Variants in LPAR1 observed in about 807,000 individuals in gnomAD.
The protein encoded by LPAR1 is LPA receptor 1.
In LPAR1, 5 loss-of-function variants were observed where a neutral mutation model predicts 23.8. The ratio of observed to expected loss-of-function variants is 0.21; its 90% CI spans 0.11 to 0.44. LPAR1 has a LOEUF of 0.44. Ranked by LOEUF, LPAR1 falls within the 20% of genes least tolerant of loss-of-function variation. LPAR1 has a pLI of 0.99. For missense variants in LPAR1, 311 were observed against 482.8 expected, an observed-to-expected ratio of 0.64 and a Z score of 3.33; for synonymous variants, 160 against 164.7, an observed-to-expected ratio of 0.97 and a Z score of 0.22.
Position 110,941,816 on chromosome 9 carries a change from G to C in LPAR1, c.398C>G (p.Thr133Arg). The C allele has an allele frequency of 6.2e-7, 1 of 1,614,194 alleles. No individual in the cohort carries two copies. Among genetic ancestry groups the C allele is most frequent in the Non-Finnish European group, 8.5e-7 (1 of 1,180,028 alleles). Reference protein sequence around the residue: ...LRQGLIDTSLTASVANLLAIA... With the variant: ...LRQGLIDTSLRASVANLLAIA... ...AGCCAGTAAGTTGGCCACAGATGCC[G>C]TCAGGCTGGTGTCAATGAGGCCCTG... The change falls in exon 5 of 6, where the codon ACG (threonine) becomes AGG (arginine). Residue 133 changes from threonine to arginine, a missense_variant. By Grantham distance (71) the Thr-to-Arg change is moderately conservative (BLOSUM62 -1). This residue lies in a region of LPAR1 where 250 missense variants were observed against 427.2 expected (regional missense o/e 0.59). Transcript: ENST00000683809. This position sits in a 1 kb window ranked among gnomAD's most constrained non-coding sequence, Gnocchi z 6.1.
At chr9:111,004,100 T>C (rs111362880) in intron 2 of LPAR1, among the ~76,000 whole-genome samples, 93 of 152,326 alleles carry the variant, frequency 6.1e-4, no homozygotes, top group African/African-American at 2.2e-3. Flanking sequence ...CATAGTTCTT[T>C]GTGCTCATAA....
At chr9:111,012,981 T>C (rs1316882539) in intron 2 of LPAR1, among the ~76,000 whole-genome samples, 2 of 151,536 alleles carry the variant, frequency 1.3e-5, no homozygotes, top group Non-Finnish European at 2.9e-5. Context: ...CTTCTGTTAA[T>C]GTTAAGCTTT....
At position 111,010,161 on chromosome 9, in the gene LPAR1, T is replaced by C. The variant is rs568807171; in HGVS notation, c.-182+25961A>G. Among the ~76,000 whole-genome samples the C allele has an allele frequency of 3.5e-3, 539 of 151,926 alleles. 7 individuals carry two copies. The highest frequency in any genetic ancestry group is 1.7e-3 in the East Asian group (9 of 5,162). On this transcript the variant is annotated intron_variant, in intron 2 of 5. Coordinates refer to ENST00000683809, the MANE Select transcript of LPAR1 (RefSeq NM_001351411.2). ...TATATCTATATATTTATATACAATG[T>C]TTTCAGAGACTTACAATGTGACAGG...
chr9:110,923,064 C>T (rs983936908), intron 5 of LPAR1, among the ~76,000 whole-genome samples: 1 of 151,874 alleles, frequency 6.6e-6, no homozygotes, highest in Non-Finnish European at 1.5e-5. Flanking sequence ...GGCAACACCA[C>T]TCAATACAAA....
At chr9:110,916,049 A>G (rs1409685) in intron 5 of LPAR1, among the ~76,000 whole-genome samples, 8 of 152,110 alleles carry the variant, frequency 5.3e-5, no homozygotes, top group African/African-American at 1.7e-4. Flanking sequence ...GATAAGGGAA[A>G]CTTGAGTATG....
intron 2 of LPAR1, among the ~76,000 whole-genome samples, chr9:110,977,272 G>A (rs10980669): frequency 0.4 from 60,264 of 151,910 alleles, 12,723 homozygotes; most frequent in Non-Finnish European, 0.47. Flanking sequence ...AAGGGCTCCT[G>A]GCTTCAGAGG....
upstream of LPAR1, chr9:111,038,566 C>A (rs1385456604): frequency 6.7e-6 from 3 of 450,086 alleles, no homozygotes; most frequent in Non-Finnish European, 1.3e-5. This position sits in a 1 kb window ranked among gnomAD's most constrained non-coding sequence, Gnocchi z 4.4. Flanking sequence ...CGCCTTCCTT[C>A]TTTTCTGCTT....
intron 2 of LPAR1, among the ~76,000 whole-genome samples, chr9:111,027,424 C>T (rs529313429): frequency 6.6e-6 from 1 of 152,114 alleles, no homozygotes; most frequent in South Asian, 2.1e-4. Context: ...TGGTTTGAGC[C>T]CAGGAGTTTG....
At chr9:111,012,466 C>T (rs955420502) in intron 2 of LPAR1, among the ~76,000 whole-genome samples, 42 of 113,198 alleles carry the variant, frequency 3.7e-4, no homozygotes, top group Non-Finnish European at 6.7e-4. Flanking sequence ...TGTACGCACG[C>T]GCGCACACAC....
At chr9:111,024,451 TTTATATATACATAA>T (rs954083146) in intron 2 of LPAR1, among the ~76,000 whole-genome samples, 12 of 147,524 alleles carry the variant, frequency 8.1e-5, no homozygotes, top group African/African-American at 2.7e-4. Flanking sequence ...TTTATATATT[TTTATATATACATAA>T]TTATATATAC....
rs533883737 is a variant in LPAR1, at chr9:110,893,519, C to A, written c.794-17797G>T. ...CTATAGGTACTTATATGTATATATA[C>A]CCTATGTGCATTACAAAAAATGTCT... On this transcript the variant is annotated intron_variant, in intron 5 of 5. Coordinates refer to ENST00000683809, the MANE Select transcript of LPAR1 (RefSeq NM_001351411.2). Among the ~76,000 whole-genome samples, 5 of 152,214 alleles carry A rather than the reference C, an allele frequency of 3.3e-5. No homozygotes were observed. In the South Asian group the frequency reaches 1.0e-3, roughly 32 times the overall value.
chr9:110,886,187 A>G (rs2082321462), intron 5 of LPAR1, among the ~76,000 whole-genome samples: 1 of 137,618 alleles, frequency 7.3e-6, no homozygotes, highest in Non-Finnish European at 1.6e-5. Context: ...AACAAGAGCA[A>G]AAATCCATCT....
Position 111,001,100 on chromosome 9 carries a change from A to T in LPAR1, c.-181-27542T>A, listed in dbSNP as rs187208545. ...TCTCTTTAGAAGCATTTTCTTCAAT[A>T]TCAGGAATAACAAGAATCTCACTAT... On this transcript the variant is annotated intron_variant, in intron 2 of 5. Coordinates refer to ENST00000683809, the MANE Select transcript of LPAR1 (RefSeq NM_001351411.2). 7.5e-3 allele frequency among the ~76,000 whole-genome samples: 1,143 copies of T among 152,318 alleles called. 8 individuals are homozygous for T. The highest frequency in any genetic ancestry group is 0.023 in the African/African-American group (940 of 41,576).
At chr9:110,896,712 C>A (rs187316392) in intron 5 of LPAR1, among the ~76,000 whole-genome samples, 1 of 151,774 alleles carries the variant, frequency 6.6e-6, no homozygotes, top group African/African-American at 2.4e-5. Context: ...ACATAATACA[C>A]TGAAGCATGA....
intron 5 of LPAR1, among the ~76,000 whole-genome samples, chr9:110,917,554 T>A (rs1306920839): frequency 6.6e-6 from 1 of 152,122 alleles, no homozygotes; most frequent in African/African-American, 2.4e-5. Flanking sequence ...CAACCTTCAC[T>A]GAGAAATGAT....
At chr9:110,956,037 A>T (rs1409460402) in intron 4 of LPAR1, among the ~76,000 whole-genome samples, 1 of 152,178 alleles carries the variant, frequency 6.6e-6, no homozygotes, top group Non-Finnish European at 1.5e-5. Flanking sequence ...AGAAGAAAAA[A>T]AATAATAAAG....
chr9:110,968,951 A>G (rs2096315576), intron 4 of LPAR1, among the ~76,000 whole-genome samples: 1 of 152,126 alleles, frequency 6.6e-6, no homozygotes, highest in South Asian at 2.1e-4. Context: ...AAGAGGGTGG[A>G]TACCTTCCCC....
intron 2 of LPAR1, among the ~76,000 whole-genome samples, chr9:111,031,172 G>A (rs1185742431): frequency 2.0e-5 from 3 of 152,006 alleles, no homozygotes; most frequent in Non-Finnish European, 4.4e-5. Flanking sequence ...TCCTGGTTGG[G>A]ATGCATTTTA....
intron 2 of LPAR1, among the ~76,000 whole-genome samples, chr9:111,002,392 C>T (rs979603035): frequency 4.6e-5 from 7 of 152,214 alleles, no homozygotes; most frequent in African/African-American, 1.7e-4. Context: ...TCAATCTGCA[C>T]ACTTAACAGT....
Sources: allele counts gnomAD v4.1 joint callset (sites outside exome capture counted in the v4.1 genomes callset), GRCh38; gene constraint gnomAD v4.1.1; regional missense constraint gnomAD v4.1.1; non-coding constraint Gnocchi (gnomAD v3.1); transcripts MANE v1.5; gene names NCBI Gene and HGNC (gene_info 2026-07-23, HGNC 2026-07-21).